The following SPECC1 variants were observed in gnomAD, a reference collection of about 807,000 sequenced individuals.
SPECC1 encodes the protein sperm antigen with calponin homology and coiled-coil domains 1.
SPECC1 carries 62 observed loss-of-function variants against 104.1 expected under a neutral mutation model. The observed-to-expected ratio is 0.60, with a 90% CI of 0.49 to 0.74. The LOEUF (loss-of-function observed/expected upper bound fraction) is 0.74, where lower values mean the gene tolerates loss of function less well. SPECC1 is among the 30% of genes least tolerant of loss of function. SPECC1 has a pLI of 0.00. For missense variants in SPECC1, 1,306 were observed against 1,310.5 expected (o/e 1.00, Z 0.05); for synonymous variants, 513 against 501.6 (o/e 1.02, Z -0.30).
intron 1 of SPECC1, among the ~76,000 whole-genome samples, chr17:20,046,115 GT>G (rs2045530539): frequency 6.6e-6 from 1 of 151,388 alleles, no homozygotes; most frequent in African/African-American, 2.4e-5. Context: ...AAAAATTTAA[GT>G]TTTAATTTTT....
intron 12 of SPECC1, among the ~76,000 whole-genome samples, chr17:20,270,342 AT>A (rs1398451844): frequency 6.8e-6 from 1 of 147,270 alleles, no homozygotes; most frequent in East Asian, 2.1e-4. Context: ...CATGCCTGTA[AT>A]CCAGACACTT....
chr17:20,052,521 G>A (rs975424137), intron 1 of SPECC1, among the ~76,000 whole-genome samples: 5 of 152,176 alleles, frequency 3.3e-5, no homozygotes, highest in Admixed American at 6.5e-5. Flanking sequence ...CTGGTTCAAA[G>A]ATACCTTAAC....
At chr17:20,288,301 A>G (rs2151698712) in intron 12 of SPECC1, among the ~76,000 whole-genome samples, 1 of 152,296 alleles carries the variant, frequency 6.6e-6, no homozygotes, top group East Asian at 1.9e-4. Flanking sequence ...TCATTTGGGT[A>G]TATAACCACT....
At chr17:20,140,279 T>G (rs2030614741) in intron 3 of SPECC1, among the ~76,000 whole-genome samples, 1 of 152,248 alleles carries the variant, frequency 6.6e-6, no homozygotes, top group South Asian at 2.1e-4. Flanking sequence ...GATTGAAGTT[T>G]TTTTAAACAT....
chr17:20,233,988 C>G (rs1229355611), intron 7 of SPECC1, among the ~76,000 whole-genome samples: 5 of 152,100 alleles, frequency 3.3e-5, no homozygotes, highest in African/African-American at 1.2e-4. Flanking sequence ...GTGTTTCTTA[C>G]GTATACTCTG....
At chr17:20,214,699 G>C (rs1453156754) in intron 4 of SPECC1, among the ~76,000 whole-genome samples, 1 of 152,080 alleles carries the variant, frequency 6.6e-6, no homozygotes, top group Non-Finnish European at 1.5e-5. Context: ...GTAGAGACGG[G>C]GTTTCACCAT....
intron 1 of SPECC1, among the ~76,000 whole-genome samples, chr17:20,031,180 A>G (rs753335475): frequency 6.6e-6 from 1 of 152,274 alleles, no homozygotes; most frequent in South Asian, 2.1e-4. Flanking sequence ...TTTTTAGCAG[A>G]GACAGGGTTT....
In SPECC1 at chr17:20,200,192, G is replaced by GAA. The variant is rs539542101; in HGVS notation, c.284-4139_284-4138dup. On this transcript the variant is annotated intron_variant, in intron 3 of 14. Transcript: ENST00000395527. Reference sequence around the variant, plus strand: ...ATTGCACAGATGTAATCATAAAAGAGAAACAGTAACATTACTCACAGACCA... The same window carrying GAA: ...ATTGCACAGATGTAATCATAAAAGAGAAAAACAGTAACATTACTCACAGACCA... Among the ~76,000 whole-genome samples, 32 of 152,298 alleles carry GAA rather than the reference G, an allele frequency of 2.1e-4. No individual in the cohort carries two copies. In the East Asian group the frequency reaches 6.2e-3, roughly 29 times the overall value.
intron 13 of SPECC1, among the ~76,000 whole-genome samples, chr17:20,301,203 A>G (rs7207611): frequency 0.71 from 107,732 of 152,022 alleles, 39,982 homozygotes; most frequent in East Asian, 0.99. Flanking sequence ...GACTCGTACC[A>G]TATAAAACTG....
intron 1 of SPECC1, among the ~76,000 whole-genome samples, chr17:20,057,227 G>T (rs1292596867): frequency 1.3e-5 from 2 of 152,116 alleles, no homozygotes; most frequent in Admixed American, 1.3e-4. Flanking sequence ...GGATCACGAG[G>T]TCAGGAGATC....
At chr17:20,269,374 A>G (rs1049813584) in intron 12 of SPECC1, among the ~76,000 whole-genome samples, 2 of 152,202 alleles carry the variant, frequency 1.3e-5, no homozygotes, top group Admixed American at 1.3e-4. Context: ...GGAATGTAGT[A>G]TGTGCTGGGC....
intron 3 of SPECC1, among the ~76,000 whole-genome samples, chr17:20,162,435 C>G (rs914430879): frequency 6.6e-6 from 1 of 152,042 alleles, no homozygotes; most frequent in Non-Finnish European, 1.5e-5. Flanking sequence ...CGTGAGCCAC[C>G]GCGCCCGGCC....
intron 3 of SPECC1, among the ~76,000 whole-genome samples, chr17:20,115,948 A>C (rs1183777612): frequency 6.6e-6 from 1 of 152,244 alleles, no homozygotes; most frequent in Admixed American, 6.5e-5. Context: ...TGATGATTGT[A>C]ATCAGATAAT....
At chr17:20,261,522 A>G (rs1187316748) in intron 12 of SPECC1, among the ~76,000 whole-genome samples, 4 of 150,044 alleles carry the variant, frequency 2.7e-5, no homozygotes, top group East Asian at 2.0e-4. Context: ...AAAAAAAAAA[A>G]GCAGACACAA....
intron 7 of SPECC1, among the ~76,000 whole-genome samples, chr17:20,243,950 C>T (rs905297650): frequency 1.3e-5 from 2 of 152,090 alleles, no homozygotes; most frequent in African/African-American, 4.8e-5. Flanking sequence ...GGCGCAGTGG[C>T]TCATGCCTGT....
At chr17:20,246,935 C>G (rs1197746954) in intron 8 of SPECC1, among the ~76,000 whole-genome samples, 1 of 152,154 alleles carries the variant, frequency 6.6e-6, no homozygotes, top group Non-Finnish European at 1.5e-5. Context: ...ACAATTTGTA[C>G]AAGAACTTTT....
chr17:20,060,673 C>G (rs2046152945), intron 1 of SPECC1, among the ~76,000 whole-genome samples: 1 of 152,128 alleles, frequency 6.6e-6, no homozygotes, highest in Middle Eastern at 3.2e-3. Flanking sequence ...GGATATGTGT[C>G]TTTCTGGCTT....
intron 1 of SPECC1, among the ~76,000 whole-genome samples, chr17:20,011,481 C>T (rs964731077): frequency 4.0e-5 from 6 of 151,842 alleles, no homozygotes; most frequent in Admixed American, 6.6e-5. Context: ...TGTATGTTCT[C>T]TTTCTGATAC....
intron 3 of SPECC1, among the ~76,000 whole-genome samples, chr17:20,140,764 G>A (rs1210483597): frequency 6.6e-6 from 1 of 152,166 alleles, no homozygotes; most frequent in Non-Finnish European, 1.5e-5. Flanking sequence ...TCTGTAAAAT[G>A]TTCAGTAGAG....
Sources: gnomAD v4.1 joint callset for allele counts (sites outside exome capture counted in the v4.1 genomes callset) on GRCh38, gnomAD v4.1.1 for gene constraint, MANE v1.5 for transcripts, NCBI Gene and HGNC (gene_info 2026-07-23, HGNC 2026-07-21) for gene names.